The following IL6R variants were observed in gnomAD, a reference collection of about 807,000 sequenced individuals.
The protein encoded by IL6R is interleukin-6 receptor subunit alpha.
IL6R carries 38 observed loss-of-function variants against 48.3 expected under a neutral mutation model. The observed-to-expected ratio is 0.79, with a 90% CI of 0.61 to 1.03. IL6R has a LOEUF of 1.03. IL6R is among the 50% of genes least tolerant of loss of function. The probability of loss-of-function intolerance (pLI) is 0.00; values close to 1 mark genes in which losing one functional copy is unlikely to be tolerated. For missense variants in IL6R, 534 were observed against 618.3 expected (o/e 0.86, Z 1.45); for synonymous variants, 264 against 256.2 (o/e 1.03, Z -0.29).
chr1:154,422,826 G>A (rs1237521018), intron 1 of IL6R, among the ~76,000 whole-genome samples: 1 of 152,208 alleles, frequency 6.6e-6, no homozygotes, highest in Non-Finnish European at 1.5e-5. Context: ...TATCTCCCAG[G>A]ACCAGGAAGG....
chr1:154,422,484 T>C (rs950347445), intron 1 of IL6R, among the ~76,000 whole-genome samples: 2 of 152,190 alleles, frequency 1.3e-5, no homozygotes, highest in African/African-American at 2.4e-5. Context: ...GATTACGATA[T>C]GGAAATGATA....
intron 1 of IL6R, among the ~76,000 whole-genome samples, chr1:154,419,562 G>A (rs1354034759): frequency 1.3e-5 from 2 of 152,172 alleles, no homozygotes; most frequent in African/African-American, 2.4e-5. Flanking sequence ...GTTAGGCTGG[G>A]GGCCTCCTGT....
chr1:154,454,651 C>G, intron 9 of IL6R, 70 bp downstream of exon 9: 2 of 1,074,560 alleles, frequency 1.9e-6, no homozygotes, highest in African/African-American at 1.6e-5. Flanking sequence ...TTTGCCCATT[C>G]TGAAATTTAT....
intron 6 of IL6R, chr1:154,437,489 C>A: frequency 6.7e-6 from 3 of 447,844 alleles, no homozygotes; most frequent in Non-Finnish European, 1.4e-5. Flanking sequence ...TCACAGCTCA[C>A]GGCAACTTCT....
At position 154,464,986 on chromosome 1, in the gene IL6R, AAAGACAGCTGAT is replaced by A; in HGVS notation, c.1161-146_1161-135del. The A allele has an allele frequency of 4.7e-6, 4 of 855,330 alleles. No individual in the cohort carries two copies. The South Asian group carries it at 6.4e-5, about 14-fold the overall frequency. The allele number at this position is 855,330 out of a possible 1,614,324, so 53.0% of individuals were successfully genotyped here. ...AAACAAACAAATGAACAAAAAACAA[AAAGACAGCTGAT>A]AGTTATTGCTCCTTTGAGCCGAAAC... is the stretch of plus-strand genomic sequence containing the variant. On this transcript the variant is annotated intron_variant, in intron 9 of 9. Coordinates refer to ENST00000368485, the MANE Select transcript of IL6R (RefSeq NM_000565.4).
At chr1:154,454,094 C>T (rs2149268446) in intron 8 of IL6R, 1 of 229,780 alleles carries the variant, frequency 4.4e-6, no homozygotes, top group Admixed American at 5.1e-5. Flanking sequence ...AAGGAGGTCC[C>T]CAAAGCCTTC....
At chr1:154,445,176 T>A (rs1690150158) in intron 6 of IL6R, 1 of 452,034 alleles carries the variant, frequency 2.2e-6, no homozygotes, top group Non-Finnish European at 4.5e-6. Flanking sequence ...TGATGAGCTG[T>A]CTGTTGGGTG....
At chr1:154,464,248 G>A (rs957823833) in intron 9 of IL6R, among the ~76,000 whole-genome samples, 4 of 151,050 alleles carry the variant, frequency 2.6e-5, no homozygotes, top group African/African-American at 4.9e-5. Context: ...TCTGCCTCCC[G>A]TGTTCAAGCG....
At chr1:154,431,475 T>C (rs1689291333) in intron 3 of IL6R, among the ~76,000 whole-genome samples, 1 of 152,180 alleles carries the variant, frequency 6.6e-6, no homozygotes, top group Non-Finnish European at 1.5e-5. Flanking sequence ...GTACTTATGA[T>C]AGTTTAATTT....
At chr1:154,452,041 T>C (rs1690614033) in intron 8 of IL6R, among the ~76,000 whole-genome samples, 1 of 152,072 alleles carries the variant, frequency 6.6e-6, no homozygotes, top group African/African-American at 2.4e-5. Context: ...GAGACGTATC[T>C]AGGAATTGAC....
chr1:154,459,900 T>C (rs1411994856), intron 9 of IL6R, among the ~76,000 whole-genome samples: 1 of 152,142 alleles, frequency 6.6e-6, no homozygotes, highest in African/African-American at 2.4e-5. Flanking sequence ...CATCATTTCG[T>C]TTTGAATGTA....
intron 5 of IL6R, 91 bp downstream of exon 5, chr1:154,435,247 C>CGTGA (rs1330384621): frequency 8.0e-7 from 1 of 1,246,542 alleles, no homozygotes; most frequent in East Asian, 2.4e-5. Context: ...TGGTGGCTCA[C>CGTGA]GCCTGTAATC....
intron 1 of IL6R, among the ~76,000 whole-genome samples, chr1:154,425,901 G>A (rs1017067240): frequency 4.0e-5 from 6 of 151,868 alleles, no homozygotes; most frequent in African/African-American, 1.5e-4. Flanking sequence ...GCAATATATT[G>A]AGAACTTGTC....
chr1:154,438,264 A>G (rs913017351), intron 6 of IL6R, among the ~76,000 whole-genome samples: 1 of 151,144 alleles, frequency 6.6e-6, no homozygotes, highest in Non-Finnish European at 1.5e-5. Flanking sequence ...ACACCCTGCT[A>G]TGAAAGGTTA....
At chr1:154,437,316 C>T in intron 6 of IL6R, 1 of 226,482 alleles carries the variant, frequency 4.4e-6, no homozygotes, top group Non-Finnish European at 9.6e-6. Context: ...CCAGGATGGT[C>T]TCAATCTCCT....
chr1:154,451,502 AG>A (rs1202782106), intron 8 of IL6R, among the ~76,000 whole-genome samples: 1 of 152,136 alleles, frequency 6.6e-6, no homozygotes, highest in African/African-American at 2.4e-5. Context: ...TGGGCCACAG[AG>A]TGAGATTCCA....
intron 1 of IL6R, among the ~76,000 whole-genome samples, chr1:154,426,819 A>C (rs1188926234): frequency 6.6e-6 from 1 of 152,170 alleles, no homozygotes; most frequent in Non-Finnish European, 1.5e-5. Flanking sequence ...TGTGAAAGCT[A>C]TACTGTAGTT....
rs1393806703 is a variant in IL6R at position 154,429,233 on chromosome 1, C to G, written c.123C>G (p.Asp41Glu). 6.2e-7 allele frequency: 1 copy of G among 1,613,886 alleles called. No homozygotes were observed. The highest frequency in any genetic ancestry group is 1.7e-5 in the Admixed American group (1 of 60,012). Residue 41 changes from aspartate (D) to glutamate (E), a missense_variant, in exon 2 of 10, where the codon GAC becomes GAG. Physicochemically the swap from Asp to Glu is conservative, Grantham distance 45 (BLOSUM62 2). Coordinates refer to ENST00000368485, the MANE Select transcript of IL6R (RefSeq NM_000565.4). ...ARGVLTSLPG[D>E]SVTLTCPGVE... is the part of the protein sequence containing the mutation. ...GCGTGCTGACCAGTCTGCCAGGAGA[C>G]AGCGTGACTCTGACCTGCCCGGGGG...
At chr1:154,414,378 C>T in intron 1 of IL6R, 1 of 1,411,632 alleles carries the variant, frequency 7.1e-7, no homozygotes, top group Non-Finnish European at 9.9e-7. Context: ...AAGATCATCT[C>T]CAGCTGCCGG....
Sources: gnomAD v4.1 joint callset for allele counts (sites outside exome capture counted in the v4.1 genomes callset) on GRCh38, gnomAD v4.1.1 for gene constraint, MANE v1.5 for transcripts, NCBI Gene and HGNC (gene_info 2026-07-23, HGNC 2026-07-21) for gene names.